Variants in EAPP observed in about 807,000 individuals in gnomAD.
The protein encoded by EAPP is E2F associated phosphoprotein.
A neutral mutation model predicts 34.3 loss-of-function variants in EAPP; 38 were observed. The ratio of observed to expected loss-of-function variants is 1.11; its 90% CI spans 0.85 to 1.45. The LOEUF (loss-of-function observed/expected upper bound fraction) is 1.45, where lower values mean the gene tolerates loss of function less well. Ranked by LOEUF, EAPP falls within the 40% of genes most tolerant of loss-of-function variation. EAPP has a pLI of 0.00. For synonymous variants in EAPP, 113 were observed against 117.6 expected, an observed-to-expected ratio of 0.96 and a Z score of 0.25; for missense variants, 338 against 343.7, an observed-to-expected ratio of 0.98 and a Z score of 0.13.
chr14:34,530,987 T>C (rs1447606252), intron 3 of EAPP, among the ~76,000 whole-genome samples: 1 of 142,592 alleles, frequency 7.0e-6, no homozygotes, highest in Non-Finnish European at 1.5e-5. Flanking sequence ...ACTATGGCCA[T>C]CTACATACAC....
chr14:34,530,699 C>A (rs1880253511), intron 3 of EAPP, among the ~76,000 whole-genome samples: 1 of 150,994 alleles, frequency 6.6e-6, no homozygotes, highest in African/African-American at 2.4e-5. Flanking sequence ...CAAAACAAGC[C>A]AAGAATAGAA....
chr14:34,534,803 C>G (rs1462793783), intron 2 of EAPP, among the ~76,000 whole-genome samples: 3 of 151,580 alleles, frequency 2.0e-5, no homozygotes, highest in African/African-American at 7.3e-5. Flanking sequence ...GAGTTTAAGA[C>G]CAGCCTGGGC....
In EAPP at chr14:34,529,165, T is replaced by A. The variant is rs187198047; in HGVS notation, c.470+193A>T. Among the ~76,000 whole-genome samples the A allele has an allele frequency of 5.8e-3, 883 of 151,798 alleles. 10 individuals are homozygous for A. The highest frequency in any genetic ancestry group is 0.02 in the African/African-American group (812 of 41,404). ...ATAATAATAAAAATTTAAAAAATTT[T>A]AAAAAAAAGTCTCACTAAAATTTGC... On this transcript the variant is annotated intron_variant, in intron 4 of 5. Coordinates refer to ENST00000250454, the MANE Select transcript of EAPP (RefSeq NM_018453.4).
intron 4 of EAPP, among the ~76,000 whole-genome samples, chr14:34,527,283 C>A (rs1216247432): frequency 6.6e-6 from 1 of 151,536 alleles, no homozygotes; most frequent in African/African-American, 2.4e-5. Flanking sequence ...CCTTGGGCAA[C>A]ACAGCTAGAC....
chr14:34,519,012 T>G (rs918997689), intron 5 of EAPP, among the ~76,000 whole-genome samples: 1 of 152,152 alleles, frequency 6.6e-6, no homozygotes, highest in African/African-American at 2.4e-5. Context: ...GGCTTGGGTC[T>G]GTGTCCCTGC....
At position 34,524,809 on chromosome 14, in the gene EAPP, T is replaced by C. The variant is rs1487557073; in HGVS notation, c.471-2A>G. ...CTCTGTGGTCCCAAACCATGGTAACTAGAACAGAAGAAGAAAGTGGGGAGA... is the reference window on the plus strand; with the variant it reads ...CTCTGTGGTCCCAAACCATGGTAACCAGAACAGAAGAAGAAAGTGGGGAGA... On this transcript the variant is annotated splice_acceptor_variant, in intron 4 of 5. Transcript: ENST00000250454. LOFTEE classifies it high-confidence loss of function. The C allele has an allele frequency of 6.2e-7, 1 of 1,609,790 alleles. No homozygotes were observed. Among genetic ancestry groups the C allele is most frequent in the South Asian group, 1.1e-5 (1 of 90,924 alleles).
In EAPP at chr14:34,529,400, T is replaced by C. The variant is rs1375197382; in HGVS notation, c.428A>G (p.Lys143Arg). 1 of 1,613,658 alleles carries C rather than the reference T, an allele frequency of 6.2e-7. No individual in the cohort carries two copies. Among genetic ancestry groups the C allele is most frequent in the South Asian group, 1.1e-5 (1 of 91,032 alleles). ...AACCCAGGCCTGATCTCTGTTATCT[T>C]TTTCAGGATCATACAGTAATTCGTC... Reference protein sequence around the residue: ...TNDELLYDPEKDNRDQAWVDA... With the variant: ...TNDELLYDPERDNRDQAWVDA... Residue 143 changes from lysine (K) to arginine (R), a missense_variant, in exon 4 of 6, where the codon AAA becomes AGA. Transcript: ENST00000250454.
At chr14:34,532,646 C>T (rs1880334244) in intron 3 of EAPP, among the ~76,000 whole-genome samples, 1 of 151,712 alleles carries the variant, frequency 6.6e-6, no homozygotes, top group African/African-American at 2.4e-5. Context: ...ACTGTTGGTG[C>T]CATGTCCTCA....
chr14:34,518,193 G>A (rs1317959197), intron 5 of EAPP, among the ~76,000 whole-genome samples: 4 of 151,984 alleles, frequency 2.6e-5, no homozygotes, highest in Admixed American at 1.3e-4. Context: ...TTGGTCTACT[G>A]TGTAGTTTAA....
chr14:34,536,232 G>A lies in EAPP; in HGVS notation c.118C>T (p.Gln40Ter). 1 of 1,611,592 alleles carries A rather than the reference G, an allele frequency of 6.2e-7. No homozygotes were observed. The highest frequency in any genetic ancestry group is 2.2e-5 in the East Asian group (1 of 44,616). The change falls in exon 2 of 6, where the codon CAA becomes TAA. Residue 40 changes from glutamine to a stop codon, truncating the protein, a stop_gained. Transcript: ENST00000250454. LOFTEE classifies it high-confidence loss of function. ...CATTCTCTGATGAGTTTTCGTTTTTGGTCAGGAGTTCCATGTAAAAGCACA... is the reference window on the plus strand; with the variant it reads ...CATTCTCTGATGAGTTTTCGTTTTTAGTCAGGAGTTCCATGTAAAAGCACA... ...VDVLLHGTPD[Q>*]KRKLIRECLT...
At position 34,536,096 on chromosome 14, in the gene EAPP, G is replaced by T; in HGVS notation, c.254C>A (p.Thr85Asn). 6.2e-7 allele frequency: 1 copy of T among 1,605,304 alleles called. No individual in the cohort carries two copies. The highest frequency in any genetic ancestry group is 1.1e-5 in the South Asian group (1 of 88,710). Residue 85 changes from threonine to asparagine, a missense_variant and splice_region_variant, in exon 2 of 6, where the codon ACT becomes AAT. Physicochemically the swap from Thr to Asn is moderately conservative, Grantham distance 65. Coordinates refer to ENST00000250454, the MANE Select transcript of EAPP (RefSeq NM_018453.4). Reference protein sequence around the residue: ...TMEDKLSSLGTGSSSGNGKVA... With the variant: ...TMEDKLSSLGNGSSSGNGKVA... ...ATAAAATTGAACCAAAAGTTTACCA[G>T]TTCCCAGAGAGGATAACTTGTCCTC...
Position 34,535,970 on chromosome 14 carries a change from C to T in EAPP, c.256+124G>A, listed in dbSNP as rs1594671615. On this transcript the variant is annotated intron_variant, in intron 2 of 5. Coordinates refer to ENST00000250454, the MANE Select transcript of EAPP (RefSeq NM_018453.4). ...GCTCAGACTGCCAAATACATTCACT[C>T]CTTCATTCAATAAATATTTATTGAG... is the stretch of plus-strand genomic sequence containing the variant. 1.2e-5 allele frequency: 8 copies of T among 653,834 alleles called. No individual in the cohort carries two copies. In the Admixed American group the frequency reaches 2.4e-4, roughly 20 times the overall value. 40.5% of individuals were successfully genotyped at this position (653,834 alleles called of 1,614,324 possible). A position where few individuals can be genotyped will look rare whatever the true frequency, so the allele number is the denominator to read the frequency against.
chr14:34,524,368 G>A (rs1172714131), intron 5 of EAPP, among the ~76,000 whole-genome samples: 4 of 152,124 alleles, frequency 2.6e-5, no homozygotes, highest in Admixed American at 6.6e-5. Context: ...CAGCTTGTAC[G>A]ACAGAGTGAG....
At position 34,522,529 on chromosome 14, in the gene EAPP, C is replaced by T. The variant is rs917370301; in HGVS notation, c.581+2168G>A. 9.5e-4 allele frequency among the ~76,000 whole-genome samples: 145 copies of T among 152,162 alleles called. 2 individuals are homozygous for T. The highest frequency in any genetic ancestry group is 1.2e-4 in the Non-Finnish European group (8 of 68,020). The stretch of plus-strand genomic sequence containing the variant: ...GTATTGAAGGATTAGTTATTTGTTC[C>T]AGTCTTCTCTGCTTTGCTTTTTTTT... On this transcript the variant is annotated intron_variant, in intron 5 of 5. Coordinates refer to ENST00000250454, the MANE Select transcript of EAPP (RefSeq NM_018453.4).
In EAPP at chr14:34,516,140, G is replaced by A; in HGVS notation, c.*170C>T. On this transcript the variant is annotated 3_prime_UTR_variant, in exon 6 of 6. Coordinates refer to ENST00000250454, the MANE Select transcript of EAPP (RefSeq NM_018453.4). Reference sequence around the variant, plus strand: ...GGGGGAAAATCAAAGAAAAAAAAAAGGAGAGGGTGAGAGATGTAAGAGATG... The same window carrying A: ...GGGGGAAAATCAAAGAAAAAAAAAAAGAGAGGGTGAGAGATGTAAGAGATG... 2 of 551,988 alleles carry A rather than the reference G, an allele frequency of 3.6e-6. No homozygotes were observed. The highest frequency in any genetic ancestry group is 4.1e-5 in the South Asian group (1 of 24,202). 34.2% of individuals were successfully genotyped at this position (551,988 alleles called of 1,614,324 possible).
chr14:34,527,925 T>C (rs1321307805), intron 4 of EAPP, among the ~76,000 whole-genome samples: 1 of 152,186 alleles, frequency 6.6e-6, no homozygotes, highest in Non-Finnish European at 1.5e-5. Flanking sequence ...TGCCACTAAA[T>C]TGTTCACTTT....
chr14:34,521,324 G>A (rs1264384834), intron 5 of EAPP, among the ~76,000 whole-genome samples: 3 of 152,146 alleles, frequency 2.0e-5, no homozygotes, highest in Middle Eastern at 3.4e-3. Flanking sequence ...ACCCACCTCC[G>A]CCTCCCAGAG....
At chr14:34,519,915 G>A (rs1192936987) in intron 5 of EAPP, among the ~76,000 whole-genome samples, 16 of 139,132 alleles carry the variant, frequency 1.1e-4, no homozygotes, top group South Asian at 6.7e-4. Flanking sequence ...ACAGAGTTTC[G>A]CCCTTGTTGC....
intron 4 of EAPP, among the ~76,000 whole-genome samples, 191 bp downstream of exon 4, chr14:34,529,165 TAA>T (rs1555320386): frequency 2.0e-5 from 3 of 151,686 alleles, no homozygotes; most frequent in Non-Finnish European, 4.4e-5. Context: ...TAAAAAATTT[TAA>T]AAAAAAGTCT....
Sources: gnomAD v4.1 joint callset for allele counts (sites outside exome capture counted in the v4.1 genomes callset) on GRCh38, gnomAD v4.1.1 for gene constraint, MANE v1.5 for transcripts, NCBI Gene and HGNC (gene_info 2026-07-23, HGNC 2026-07-21) for gene names.